NLRP7: variants seen among roughly 807,000 people sequenced by gnomAD.
NLRP7 encodes NACHT, LRR and PYD domains-containing protein 7.
A neutral mutation model predicts 85.5 loss-of-function variants in NLRP7; 72 were observed. The observed-to-expected ratio is 0.84, with a 90% CI of 0.70 to 1.02. The LOEUF is 1.02. Ranked by LOEUF, NLRP7 falls within the 50% of genes least tolerant of loss-of-function variation. NLRP7 has a pLI of 0.00. For missense variants in NLRP7, 1,243 were observed against 1,219.5 expected (o/e 1.02, Z -0.29); for synonymous variants, 550 against 505.2 (o/e 1.09, Z -1.19).
At chr19:54,959,040 A>T (rs1017978299) in intron 1 of NLRP7, among the ~76,000 whole-genome samples, 7 of 151,864 alleles carry the variant, frequency 4.6e-5, no homozygotes, top group African/African-American at 1.7e-4. Flanking sequence ...TACTAGGTTT[A>T]CGCCAGGCAG....
At chr19:54,950,786 G>A (rs916728726), upstream of NLRP7, among the ~76,000 whole-genome samples, 1 of 152,102 alleles carries the variant, frequency 6.6e-6, no homozygotes, top group African/African-American at 2.4e-5. Context: ...ACTGCAAAGA[G>A]GTGTTCCTTC....
At chr19:54,930,764 G>A (rs2068642906) in intron 8 of NLRP7, 98 bp from the exon 9 acceptor site, 2 of 997,226 alleles carry the variant, frequency 2.0e-6, no homozygotes, top group African/African-American at 1.6e-5. Flanking sequence ...CTTATATACT[G>A]GAATGCAGTG....
rs527771830 is a variant in NLRP7 at position 54,928,521 on chromosome 19, G to GT, written c.2810+1977dup. Reference sequence around the variant, plus strand: ...TTAGTGACAGCAGACATCTCGATATGTTCTATTGAAGACAATGGATGATGG... The same window carrying GT: ...TTAGTGACAGCAGACATCTCGATATGTTTCTATTGAAGACAATGGATGATGG... On this transcript the variant is annotated intron_variant, in intron 9 of 9. Transcript: ENST00000340844. Among the ~76,000 whole-genome samples, 34 of 152,284 alleles carry GT rather than the reference G, an allele frequency of 2.2e-4. No individual in the cohort carries two copies. The South Asian group carries it at 6.6e-3, about 30-fold the overall frequency.
chr19:54,961,667 G>A (rs2070047131), intron 1 of NLRP7, among the ~76,000 whole-genome samples: 1 of 150,248 alleles, frequency 6.7e-6, no homozygotes, highest in Admixed American at 6.7e-5. Context: ...AAACCTATCT[G>A]TACTAAAAAT....
exon 10 of NLRP7, chr19:54,923,745 A>C (rs373484034): frequency 1.9e-6 from 3 of 1,612,550 alleles, no homozygotes; most frequent in African/African-American, 2.7e-5. Context: ...GCTGCTCAGC[A>C]AAAAAAGTCA....
chr19:54,925,524 G>C (rs1225113239), intron 9 of NLRP7, among the ~76,000 whole-genome samples: 1 of 151,994 alleles, frequency 6.6e-6, no homozygotes, highest in Non-Finnish European at 1.5e-5. Context: ...AAGACAAGTG[G>C]GCTGTGCACA....
Position 54,936,257 on chromosome 19 carries a change from C to A in NLRP7, c.2300+4G>T, listed in dbSNP as rs1252229259. The A allele has an allele frequency of 1.2e-6, 2 of 1,612,440 alleles. No individual in the cohort carries two copies. Among genetic ancestry groups the A allele is most frequent in the South Asian group, 1.1e-5 (1 of 91,010 alleles). ...CTGGGGAGAGCCGTGACCGTGAGAC[C>A]CACCTCAGGTACTGCAGGTTGCATT... On this transcript the variant is annotated splice_donor_region_variant and intron_variant, in intron 6 of 9. Coordinates refer to ENST00000340844, the Ensembl canonical transcript of NLRP7.
chr19:54,941,796 A>G, intron 1 of NLRP7, 46 bp from the exon 2 acceptor site: 1 of 1,396,648 alleles, frequency 7.2e-7, no homozygotes, highest in Non-Finnish European at 9.7e-7. Flanking sequence ...CCATCATTAA[A>G]TGAAACCACA....
rs2068814777 is a variant in NLRP7 at position 54,934,523 on chromosome 19, T to C, written c.2437A>G (p.Met813Val). ...TGCAGGAAGTGTTTTGGGCGTGTCA[T>C]GGTCTTGTACAGCAACATGGCACCC... Residue 813 changes from methionine (M) to valine (V), a missense_variant, in exon 7 of 10, where the codon ATG (methionine) becomes GTG (valine). Coordinates refer to ENST00000340844, the Ensembl canonical transcript of NLRP7. This position sits in a 1 kb window ranked among gnomAD's most constrained non-coding sequence, Gnocchi z 6.7. 4.3e-6 allele frequency: 7 copies of C among 1,614,160 alleles called. No homozygotes were observed. Among genetic ancestry groups the C allele is most frequent in the Non-Finnish European group, 5.1e-6 (6 of 1,180,016 alleles).
exon 4 of NLRP7, chr19:54,939,340 G>A (rs763029701): frequency 6.2e-7 from 1 of 1,614,116 alleles, no homozygotes; most frequent in East Asian, 2.2e-5. Flanking sequence ...TGTCCCAGGC[G>A]TGGCCGTCCC....
chr19:54,949,866 G>T (rs2069613862), upstream of NLRP7, among the ~76,000 whole-genome samples: 1 of 152,150 alleles, frequency 6.6e-6, no homozygotes, highest in Admixed American at 6.6e-5. Flanking sequence ...GCTTTGGGAG[G>T]CCTAGATGGG....
Position 54,934,702 on chromosome 19 carries a change from G to GTA in NLRP7, c.2301-45_2301-44dup. The GTA allele has an allele frequency of 6.6e-7, 1 of 1,514,038 alleles. No individual in the cohort carries two copies. Among genetic ancestry groups the GTA allele is most frequent in the Non-Finnish European group, 9.0e-7 (1 of 1,114,890 alleles). The allele number at this position is 1,514,038 out of a possible 1,614,324, so 93.8% of individuals were successfully genotyped here. A position where few individuals can be genotyped will look rare whatever the true frequency, so the allele number is the denominator to read the frequency against. On this transcript the variant is annotated intron_variant, in intron 6 of 9. Coordinates refer to ENST00000340844, the Ensembl canonical transcript of NLRP7. The surrounding 1 kb of genome is among the most constrained non-coding windows in gnomAD (Gnocchi z 6.7). ...AAAGTCATTCTTCTGGGAGGACAGAGTATACCCTATCAGCTTTTTTTTTTT... is the reference window on the plus strand; with the variant it reads ...AAAGTCATTCTTCTGGGAGGACAGAGTATATACCCTATCAGCTTTTTTTTTTT...
chr19:54,942,929 C>T (rs1169886375), intron 1 of NLRP7, among the ~76,000 whole-genome samples: 1 of 148,116 alleles, frequency 6.8e-6, no homozygotes, highest in African/African-American at 2.5e-5. Context: ...GGTGGATCGC[C>T]TGATGTCAGG....
chr19:54,962,435 T>C (rs1173135851), intron 1 of NLRP7, among the ~76,000 whole-genome samples: 1 of 149,528 alleles, frequency 6.7e-6, no homozygotes, highest in Non-Finnish European at 1.5e-5. Flanking sequence ...GCCTGGCTAA[T>C]TTTTTGTGTA....
upstream of NLRP7, among the ~76,000 whole-genome samples, chr19:54,951,453 A>G (rs2069665780): frequency 6.6e-6 from 1 of 151,980 alleles, no homozygotes; most frequent in Non-Finnish European, 1.5e-5. Flanking sequence ...AGGCTGAGGC[A>G]GAATTGTTTG....
At chr19:54,939,183 T>C in exon 4 of NLRP7, 1 of 1,614,262 alleles carries the variant, frequency 6.2e-7, no homozygotes, top group South Asian at 1.1e-5. Flanking sequence ...TCCTGTTTGA[T>C]GTCCGGTGAC....
At chr19:54,944,977 C>G (rs899194098) in intron 1 of NLRP7, among the ~76,000 whole-genome samples, 1 of 151,880 alleles carries the variant, frequency 6.6e-6, no homozygotes, top group African/African-American at 2.4e-5. Flanking sequence ...CGGTGGCTCA[C>G]GCCTGTAATC....
chr19:54,927,845 A>G, intron 9 of NLRP7, 70 bp from the exon 10 acceptor site: 1 of 1,413,408 alleles, frequency 7.1e-7, no homozygotes. Context: ...TAATCCCAAC[A>G]CTTCGGGAGG....
At chr19:54,929,351 C>T (rs1207002376) in intron 9 of NLRP7, among the ~76,000 whole-genome samples, 6 of 151,872 alleles carry the variant, frequency 4.0e-5, no homozygotes, top group Admixed American at 1.3e-4. Context: ...GGTGACAAAG[C>T]GAGACTCTGT....
Sources: gnomAD v4.1 joint callset for allele counts (sites outside exome capture counted in the v4.1 genomes callset) on GRCh38, gnomAD v4.1.1 for gene constraint, Gnocchi (gnomAD v3.1) non-coding constraint, MANE v1.5 for transcripts, NCBI Gene and HGNC (gene_info 2026-07-23, HGNC 2026-07-21) for gene names.